The following LINGO3 variants were observed in gnomAD, a reference collection of about 807,000 sequenced individuals.
LINGO3 encodes leucine rich repeat and Ig domain containing 3, also known as leucine-rich repeat and immunoglobulin-like domain-containing nogo receptor-interacting protein 3.
For missense variants in LINGO3, 750 were observed against 867.7 expected (o/e 0.86, Z 1.70); for synonymous variants, 427 against 444.2 (o/e 0.96, Z 0.49).
chr19:2,290,605 C>G lies in LINGO3; in HGVS notation c.1172G>C (p.Arg391Pro). The change falls in exon 1 of 1, where the codon CGA (arginine) becomes CCA (proline). Residue 391 changes from arginine (R) to proline (P), a missense_variant. By Grantham distance (103) the Arg-to-Pro change is moderately radical. Coordinates refer to ENST00000585527, the Ensembl canonical transcript of LINGO3. The surrounding 1 kb of genome is among the most constrained non-coding windows in gnomAD (Gnocchi z 6.0). Reference sequence around the variant, plus strand: ...GAACAGCACGGAGTCCGGCAGGTTTCGCAGCGCGTCGCCGCGCACCTCGGC... The same window carrying G: ...GAACAGCACGGAGTCCGGCAGGTTTGGCAGCGCGTCGCCGCGCACCTCGGC... 1 of 1,587,348 alleles carries G rather than the reference C, an allele frequency of 6.3e-7. No individual in the cohort carries two copies. Among genetic ancestry groups the G allele is most frequent in the Non-Finnish European group, 8.5e-7 (1 of 1,172,040 alleles).
Position 2,290,030 on chromosome 19 carries a change from C to T in LINGO3, c.1747G>A (p.Gly583Ser). 1.9e-6 allele frequency: 3 copies of T among 1,547,598 alleles called. No individual in the cohort carries two copies. Among genetic ancestry groups the T allele is most frequent in the Non-Finnish European group, 2.6e-6 (3 of 1,145,916 alleles). Residue 583 changes from glycine (G) to serine (S), a missense_variant, in exon 1 of 1, where the codon GGC becomes AGC. By Grantham distance (56) the Gly-to-Ser change is moderately conservative. Transcript: ENST00000585527. The surrounding 1 kb of genome is among the most constrained non-coding windows in gnomAD (Gnocchi z 6.0). ...ATCTTCATGTTGAACTTGCGCGCGC[C>T]TCCCTGGCCCGCCGCGGCGGCCGGC...
At chr19:2,302,499 C>G in the LINGO3 span, among the ~76,000 whole-genome samples, 4 of 152,256 alleles carry the variant, frequency 2.6e-5, no homozygotes, top group Non-Finnish European at 5.9e-5. Context: ...CTCTGCGCCC[C>G]GCCGTCCACA....
the LINGO3 span, among the ~76,000 whole-genome samples, chr19:2,308,079 GGCGGCTCCGCC>G: frequency 2.0e-5 from 3 of 148,934 alleles, no homozygotes; most frequent in Non-Finnish European, 4.5e-5. Context: ...CACTCACCTG[GGCGGCTCCGCC>G]GCGGACACGG....
upstream of LINGO3, among the ~76,000 whole-genome samples, chr19:2,296,900 A>C (rs187822917): frequency 1.3e-5 from 2 of 150,696 alleles, no homozygotes; most frequent in East Asian, 4.1e-4. Flanking sequence ...CATCCTGGCT[A>C]ACATGGTGAA....
downstream of LINGO3, among the ~76,000 whole-genome samples, chr19:2,289,104 G>C (rs2025491508): frequency 6.6e-6 from 1 of 150,564 alleles, no homozygotes; most frequent in Non-Finnish European, 1.5e-5. Context: ...GTTCCACTGT[G>C]AGCTGTCCTT....
chr19:2,291,506 C>T (rs1408200660), exon 1 of LINGO3: 8 of 1,610,774 alleles, frequency 5.0e-6, no homozygotes, highest in Non-Finnish European at 5.1e-6. Flanking sequence ...TCCACGTGCG[C>T]GATGGCGTTC....
At chr19:2,293,061 G>GTTTCTTTC (rs71176536), upstream of LINGO3, among the ~76,000 whole-genome samples, 39,240 of 150,950 alleles carry the variant, frequency 0.26, 7,918 homozygotes, top group African/African-American at 0.53. Flanking sequence ...GTATGACCCC[G>GTTTCTTTC]TTTCTTTCTT....
the LINGO3 span, among the ~76,000 whole-genome samples, chr19:2,307,961 G>A: frequency 0.71 from 107,912 of 151,586 alleles, 39,950 homozygotes; most frequent in Non-Finnish European, 0.82. Context: ...AATTTCCCCC[G>A]GCTGAGGATG....
chr19:2,302,936 C>T, the LINGO3 span, among the ~76,000 whole-genome samples: 5 of 152,242 alleles, frequency 3.3e-5, no homozygotes, highest in Admixed American at 6.5e-5. Context: ...CCTGGTGCCG[C>T]GCGGGTGCTG....
At chr19:2,303,009 C>A in the LINGO3 span, among the ~76,000 whole-genome samples, 1 of 152,380 alleles carries the variant, frequency 6.6e-6, no homozygotes, top group African/African-American at 2.4e-5. Flanking sequence ...CGCATCCACG[C>A]CCTGTTACAA....
At chr19:2,304,296 G>A in the LINGO3 span, among the ~76,000 whole-genome samples, 3 of 152,174 alleles carry the variant, frequency 2.0e-5, no homozygotes, top group Non-Finnish European at 4.4e-5. Context: ...AAAGCCGACT[G>A]TCACATGGCA....
At chr19:2,287,557 C>T (rs148981053), downstream of LINGO3, among the ~76,000 whole-genome samples, 359 of 152,326 alleles carry the variant, frequency 2.4e-3, 2 homozygotes, top group African/African-American at 8.1e-3. The surrounding 1 kb of genome is among the most constrained non-coding windows in gnomAD (Gnocchi z 4.5). Context: ...GGCCACAGCT[C>T]AGGGAGAACG....
the LINGO3 span, among the ~76,000 whole-genome samples, chr19:2,301,927 CAA>C: frequency 8.2e-4 from 29 of 35,284 alleles, no homozygotes; most frequent in East Asian, 2.3e-3. Context: ...GACTCCATCT[CAA>C]AAAAAAAAAA....
At chr19:2,292,179 C>T (rs1199491420), upstream of LINGO3, among the ~76,000 whole-genome samples, 3 of 133,498 alleles carry the variant, frequency 2.2e-5, no homozygotes, top group African/African-American at 3.2e-5. Flanking sequence ...CACGGTGAGA[C>T]CCCTGTCTCT....
the LINGO3 span, among the ~76,000 whole-genome samples, chr19:2,297,896 G>A: frequency 2.6e-5 from 4 of 151,692 alleles, no homozygotes; most frequent in African/African-American, 7.3e-5. Context: ...GAGCCACCGC[G>A]CCTGGCCTGT....
chr19:2,301,330 ACTCT>A, the LINGO3 span, among the ~76,000 whole-genome samples: 1 of 143,586 alleles, frequency 7.0e-6, no homozygotes, highest in East Asian at 2.2e-4. Flanking sequence ...TATGTGGATG[ACTCT>A]CTGTCTTGGG....
exon 1 of LINGO3, chr19:2,289,898 G>T: frequency 2.0e-6 from 2 of 987,320 alleles, no homozygotes; most frequent in Non-Finnish European, 1.5e-6. Flanking sequence ...CCTGGGGAGC[G>T]CCGTGCAGCC....
At chr19:2,297,440 G>T in the LINGO3 span, among the ~76,000 whole-genome samples, 12 of 151,494 alleles carry the variant, frequency 7.9e-5, no homozygotes, top group Non-Finnish European at 1.6e-4. Flanking sequence ...GAGGAGCTGG[G>T]ACTACAGGTG....
rs2025510995 is a variant in LINGO3, at chr19:2,290,789, G to A, written c.988C>T (p.Leu330Phe). 5.0e-6 allele frequency: 8 copies of A among 1,612,740 alleles called. No individual in the cohort carries two copies. The highest frequency in any genetic ancestry group is 6.8e-6 in the Non-Finnish European group (8 of 1,179,664). ...AAGGTGCTCTCCTCCAACGTGGAGA[G>A]CAGGTTGTTGGAGAGGTTGAGCAGG... Residue 330 changes from leucine to phenylalanine, a missense_variant, in exon 1 of 1, where the codon CTC (leucine) becomes TTC (phenylalanine). Coordinates refer to ENST00000585527, the Ensembl canonical transcript of LINGO3. The surrounding 1 kb of genome is among the most constrained non-coding windows in gnomAD (Gnocchi z 6.0).
Sources: allele counts gnomAD v4.1 joint callset (sites outside exome capture counted in the v4.1 genomes callset), GRCh38; gene constraint gnomAD v4.1.1; non-coding constraint Gnocchi (gnomAD v3.1); transcripts MANE v1.5; gene names NCBI Gene and HGNC (gene_info 2026-07-23, HGNC 2026-07-21).